Variants in USP15 observed in about 807,000 individuals in gnomAD.
The protein encoded by USP15 is ubiquitin carboxyl-terminal hydrolase 15.
Under a neutral mutation model 127.1 loss-of-function variants are expected in USP15, and 18 were observed. That is an observed-to-expected ratio of 0.14 (90% confidence interval 0.10 to 0.21). USP15 has a LOEUF of 0.21. Among genes scored for constraint, USP15 ranks in the 10% least tolerant of loss-of-function variants. The pLI is 1.00. For missense variants in USP15, 805 were observed against 1,159.9 expected, an observed-to-expected ratio of 0.69 and a Z score of 4.44; for synonymous variants, 364 against 393.7, an observed-to-expected ratio of 0.92 and a Z score of 0.89.
chr12:62,324,002 CT>C (rs139681009), intron 5 of USP15, among the ~76,000 whole-genome samples: 45,848 of 146,870 alleles, frequency 0.31, 7,164 homozygotes, highest in African/African-American at 0.38. Context: ...TCTCCTGGAC[CT>C]TTTTTTTTTT....
intron 1 of USP15, among the ~76,000 whole-genome samples, chr12:62,271,060 C>T (rs1490258346): frequency 6.6e-6 from 1 of 151,928 alleles, no homozygotes; most frequent in African/African-American, 2.4e-5. Context: ...ACAAACAATG[C>T]GCTGTCTTAA....
intron 8 of USP15, among the ~76,000 whole-genome samples, chr12:62,366,691 A>G (rs2066487131): frequency 6.6e-6 from 1 of 152,222 alleles, no homozygotes; most frequent in Non-Finnish European, 1.5e-5. Flanking sequence ...TGGGTTTGTC[A>G]TAAATAGCTC....
intron 1 of USP15, among the ~76,000 whole-genome samples, chr12:62,292,873 A>G (rs1229154430): frequency 6.6e-6 from 1 of 152,210 alleles, no homozygotes; most frequent in Non-Finnish European, 1.5e-5. Context: ...CCCCGGGTCT[A>G]ACTAGCACTG....
At chr12:62,274,431 A>AC (rs397697154) in intron 1 of USP15, 2 of 150,248 alleles carry the variant, frequency 1.3e-5, no homozygotes, top group African/African-American at 2.5e-5. Flanking sequence ...AAAAAAAAAA[A>AC]CGGTGCATTT....
Position 62,414,012 on chromosome 12 carries a change from A to C in USP15, c.*9637A>C, listed in dbSNP as rs2068096785. 1 of 152,172 alleles carries C rather than the reference A, an allele frequency of 6.6e-6. No individual in the cohort carries two copies. The highest frequency in any genetic ancestry group is 1.5e-5 in the Non-Finnish European group (1 of 68,030). 9.4% of individuals were successfully genotyped at this position (152,172 alleles called of 1,614,324 possible). A position where few individuals can be genotyped will look rare whatever the true frequency, so the allele number is the denominator to read the frequency against. On this transcript the variant is annotated 3_prime_UTR_variant, in exon 22 of 22. Transcript: ENST00000280377. The stretch of plus-strand genomic sequence containing the variant: ...GTTTTAATAGTGTTATGTCTCAGGG[A>C]ATAGGGAGGCACATGGAGAGGGAGA...
intron 14 of USP15, 106 bp from the exon 15 acceptor site, chr12:62,390,758 C>A: frequency 1.7e-6 from 1 of 605,530 alleles, no homozygotes; most frequent in Non-Finnish European, 2.8e-6. Context: ...ACTAAGTGAC[C>A]ACTGTTACTG....
At chr12:62,336,920 A>C (rs1289167032) in intron 6 of USP15, among the ~76,000 whole-genome samples, 2 of 152,254 alleles carry the variant, frequency 1.3e-5, no homozygotes, top group East Asian at 3.8e-4. Flanking sequence ...TAAATGATAG[A>C]ATCTGAAACC....
chr12:62,298,182 GA>G (rs1382984967), intron 2 of USP15, among the ~76,000 whole-genome samples: 4 of 152,142 alleles, frequency 2.6e-5, no homozygotes, highest in African/African-American at 9.7e-5. Context: ...TGTGTGTATG[GA>G]AGTTCCAGAA....
intron 8 of USP15, among the ~76,000 whole-genome samples, chr12:62,375,633 A>G (rs2066804197): frequency 6.6e-6 from 1 of 152,190 alleles, no homozygotes. Context: ...AGATGTTGAA[A>G]TAAGTGTTTA....
chr12:62,355,462 A>G lies in USP15; in HGVS notation c.902A>G (p.Asn301Ser). The change falls in exon 8 of 22, where the codon AAC becomes AGC. Residue 301 changes from asparagine (N) to serine (S), a missense_variant. By Grantham distance (46) the Asn-to-Ser change is conservative. Coordinates refer to ENST00000280377, the MANE Select transcript of USP15 (RefSeq NM_001252078.2). ...LSNLGNTCFM[N>S]SAIQCLSNTP... ...AACTTGGGAAATACGTGTTTCATGAACTCAGCTATTCAGGTAGGTCTTTGT... is the reference window on the plus strand; with the variant it reads ...AACTTGGGAAATACGTGTTTCATGAGCTCAGCTATTCAGGTAGGTCTTTGT... 1 of 1,602,106 alleles carries G rather than the reference A, an allele frequency of 6.2e-7. No individual in the cohort carries two copies. The highest frequency in any genetic ancestry group is 1.3e-5 in the African/African-American group (1 of 74,356).
At chr12:62,346,842 C>T (rs1228295578) in intron 6 of USP15, among the ~76,000 whole-genome samples, 1 of 152,158 alleles carries the variant, frequency 6.6e-6, no homozygotes, top group Admixed American at 6.5e-5. Flanking sequence ...AGTCTTTCAG[C>T]CAAGCTGAAT....
intron 3 of USP15, among the ~76,000 whole-genome samples, chr12:62,311,443 T>C (rs2064676365): frequency 6.6e-6 from 1 of 151,848 alleles, no homozygotes; most frequent in African/African-American, 2.4e-5. Context: ...GACTAAACTT[T>C]GCTGATTTAG....
At chr12:62,326,213 A>G (rs751923690) in intron 6 of USP15, among the ~76,000 whole-genome samples, 1 of 152,208 alleles carries the variant, frequency 6.6e-6, no homozygotes, top group East Asian at 1.9e-4. Context: ...ATCATTAAAC[A>G]TTTGTTTAAT....
intron 1 of USP15, among the ~76,000 whole-genome samples, chr12:62,289,443 G>A (rs1592507132): frequency 6.6e-6 from 1 of 151,962 alleles, no homozygotes; most frequent in Non-Finnish European, 1.5e-5. Flanking sequence ...TGCAGTATCC[G>A]TTATAATATC....
At chr12:62,371,874 A>G (rs1407373412) in intron 8 of USP15, among the ~76,000 whole-genome samples, 1 of 152,146 alleles carries the variant, frequency 6.6e-6, no homozygotes, top group Admixed American at 6.5e-5. Flanking sequence ...GGGTTTGTAT[A>G]TTAGCTCTGC....
At chr12:62,370,006 C>T (rs547699310) in intron 8 of USP15, among the ~76,000 whole-genome samples, 78 of 152,136 alleles carry the variant, frequency 5.1e-4, no homozygotes, top group Non-Finnish European at 9.4e-4. Flanking sequence ...GACGGAGTCT[C>T]GCTGTATCAC....
rs1184019135 is a variant in USP15 at position 62,407,006 on chromosome 12, A to C, written c.*2631A>C. Reference sequence around the variant, plus strand: ...TTCATAGGTAATACAGGGTAATGGGAATATATCTAGACTAGAATTTCTACT... The same window carrying C: ...TTCATAGGTAATACAGGGTAATGGGCATATATCTAGACTAGAATTTCTACT... On this transcript the variant is annotated 3_prime_UTR_variant, in exon 22 of 22. Transcript: ENST00000280377. The C allele has an allele frequency of 6.6e-6, 1 of 152,062 alleles. No homozygotes were observed. The highest frequency in any genetic ancestry group is 2.4e-5 in the African/African-American group (1 of 41,414). The allele number at this position is 152,062 out of a possible 1,614,324, so 9.4% of individuals were successfully genotyped here.
intron 1 of USP15, among the ~76,000 whole-genome samples, chr12:62,270,938 C>T (rs916534639): frequency 9.9e-5 from 15 of 152,012 alleles, no homozygotes; most frequent in African/African-American, 3.4e-4. Context: ...TCGAAATCTA[C>T]CCCATCTCTT....
chr12:62,415,103 G>A lies in USP15; in HGVS notation c.*10728G>A, dbSNP rs1296177905. ...TTCAGTCAGCAGGCTGGAGACCCAGGAATGCCAATGGTGTAGTTCAAGTCC... is the reference window on the plus strand; with the variant it reads ...TTCAGTCAGCAGGCTGGAGACCCAGAAATGCCAATGGTGTAGTTCAAGTCC... On this transcript the variant is annotated 3_prime_UTR_variant, in exon 22 of 22. Transcript: ENST00000280377. The A allele has an allele frequency of 6.6e-6, 1 of 152,018 alleles. No homozygotes were observed. The highest frequency in any genetic ancestry group is 1.5e-5 in the Non-Finnish European group (1 of 68,004). The allele number at this position is 152,018 out of a possible 1,614,324, so 9.4% of individuals were successfully genotyped here.
Sources: allele counts gnomAD v4.1 joint callset (sites outside exome capture counted in the v4.1 genomes callset), GRCh38; gene constraint gnomAD v4.1.1; transcripts MANE v1.5; gene names NCBI Gene and HGNC (gene_info 2026-07-23, HGNC 2026-07-21).